Variants in KLHL13 observed in about 807,000 individuals in gnomAD.
The protein encoded by KLHL13 is kelch-like protein 13.
In KLHL13, 10 loss-of-function variants were observed where a neutral mutation model predicts 37.1. The ratio of observed to expected loss-of-function variants is 0.27; its 90% confidence interval spans 0.17 to 0.46. The LOEUF (loss-of-function observed/expected upper bound fraction) is 0.46. Ranked by LOEUF, KLHL13 falls within the 20% of genes least tolerant of loss-of-function variation. KLHL13 has a pLI of 1.00. For missense variants in KLHL13, 360 were observed against 509.3 expected (o/e 0.71, Z 2.82); for synonymous variants, 163 against 181.2 (o/e 0.90, Z 0.81).
intron 4 of KLHL13, among the ~76,000 whole-genome samples, chrX:117,915,601 T>TA (rs1375302482): frequency 8.9e-6 from 1 of 112,333 alleles, no homozygotes; most frequent in Admixed American, 9.4e-5. Flanking sequence ...ATTCTCTTGT[T>TA]AAAAAATGCT....
At chrX:117,919,468 A>G in intron 4 of KLHL13, 53 bp downstream of exon 5, 1 of 997,011 alleles carries the variant, frequency 1.0e-6, no homozygotes. Flanking sequence ...TGAGTCCTAA[A>G]CAGGCTACAT....
chrX:117,959,996 T>TC (rs1186775004), intron 1 of KLHL13, among the ~76,000 whole-genome samples: 1 of 111,041 alleles, frequency 9.0e-6, no homozygotes, highest in Non-Finnish European at 1.9e-5. Context: ...AGCTTGCCAC[T>TC]CCAATTCATC....
intron 2 of KLHL13, 47 bp downstream of exon 3, chrX:117,945,387 G>GT (rs1478965748): frequency 1.0e-4 from 118 of 1,163,551 alleles, no homozygotes; most frequent in Admixed American, 3.0e-4. Flanking sequence ...TCCATGGTGG[G>GT]TTTTTTAAAG....
chrX:118,096,290 AC>A (rs1305486701), intron 1 of KLHL13, among the ~76,000 whole-genome samples: 1 of 111,997 alleles, frequency 8.9e-6, no homozygotes, highest in African/African-American at 3.2e-5. Flanking sequence ...ATCAGAGAAT[AC>A]TATAAACACC....
intron 2 of KLHL13, among the ~76,000 whole-genome samples, chrX:117,933,715 G>A (rs1253859958): frequency 1.8e-5 from 2 of 110,956 alleles, no homozygotes; most frequent in Non-Finnish European, 3.8e-5. Flanking sequence ...ATGATAACTA[G>A]TATGTTAATA....
chrX:118,082,470 T>C (rs1241378274), intron 1 of KLHL13, among the ~76,000 whole-genome samples: 1 of 111,620 alleles, frequency 9.0e-6, no homozygotes, highest in East Asian at 2.8e-4. Context: ...TCTTTTTTGC[T>C]ATTGAGTTGA....
intron 1 of KLHL13, among the ~76,000 whole-genome samples, chrX:117,999,433 T>A (rs1380865634): frequency 2.7e-5 from 3 of 110,633 alleles, no homozygotes; most frequent in Non-Finnish European, 3.8e-5. Context: ...CTCAGCAAAC[T>A]ATCACAAGGA....
chrX:118,093,831 G>C (rs895904465), intron 1 of KLHL13, among the ~76,000 whole-genome samples: 2 of 109,661 alleles, frequency 1.8e-5, no homozygotes, highest in Admixed American at 9.9e-5. Flanking sequence ...CTAAAGTTTA[G>C]CAGATGTTCC....
At chrX:117,985,329 AAAGTT>A (rs1181207892) in intron 1 of KLHL13, 1 of 1,132,901 alleles carries the variant, frequency 8.8e-7, no homozygotes, top group Non-Finnish European at 1.2e-6. Context: ...CTGGAGTTTT[AAAGTT>A]AAGAGCTGTG....
At chrX:117,981,770 C>T (rs187541024) in intron 1 of KLHL13, among the ~76,000 whole-genome samples, 22 of 111,233 alleles carry the variant, frequency 2.0e-4, no homozygotes, top group East Asian at 2.0e-3. Flanking sequence ...TTGTAAAGCA[C>T]AGAACAACAT....
At chrX:118,080,486 C>G (rs1276629353) in intron 1 of KLHL13, among the ~76,000 whole-genome samples, 1 of 110,721 alleles carries the variant, frequency 9.0e-6, no homozygotes, top group Non-Finnish European at 1.9e-5. Context: ...AAAAGATATA[C>G]AAGCAGCCAA....
intron 1 of KLHL13, among the ~76,000 whole-genome samples, chrX:118,068,297 C>CCCT (rs1328552668): frequency 9.0e-6 from 1 of 111,482 alleles, no homozygotes; most frequent in Admixed American, 9.6e-5. Flanking sequence ...AAGCCCCTAG[C>CCCT]CCTCCTCCCT....
In KLHL13 at chrX:117,973,516, C is replaced by T. The variant is rs2053557770; in HGVS notation, c.-688G>A. ...AAAGCCCGTTTCAAAAATTCCAGTC[C>T]CTCTGCTTTCCAGCTAGGAGAAGGC... On this transcript the variant is annotated 5_prime_UTR_variant, in exon 1 of 7. Coordinates refer to ENST00000262820, the Ensembl canonical transcript of KLHL13. 17 of 902,869 alleles carry T rather than the reference C, an allele frequency of 1.9e-5. No individual in the cohort carries two copies. In the South Asian group the frequency reaches 3.7e-4, roughly 20 times the overall value. 74.4% of individuals were successfully genotyped at this position (902,869 alleles called of 1,213,427 possible). A position where few individuals can be genotyped will look rare whatever the true frequency, so the allele number is the denominator to read the frequency against.
At chrX:118,061,683 T>C (rs186010114) in intron 1 of KLHL13, among the ~76,000 whole-genome samples, 53 of 111,658 alleles carry the variant, frequency 4.7e-4, no homozygotes, top group African/African-American at 1.6e-3. Flanking sequence ...GCAAAAGCAA[T>C]GGAACCTCTG....
chrX:117,919,757 T>C, intron 3 of KLHL13, 40 bp from the exon 5 acceptor site: 1 of 1,026,742 alleles, frequency 9.7e-7, no homozygotes, highest in Admixed American at 2.5e-5. Context: ...AGGTGGATAA[T>C]TATGGTCAAA....
chrX:117,913,575 G>C (rs752972861), intron 4 of KLHL13, among the ~76,000 whole-genome samples: 156 of 112,302 alleles, frequency 1.4e-3, no homozygotes, highest in South Asian at 2.6e-3. Flanking sequence ...GCCGGGGGCG[G>C]TGGCTCACGC....
At chrX:118,094,271 A>C (rs748202266) in intron 1 of KLHL13, among the ~76,000 whole-genome samples, 1 of 111,620 alleles carries the variant, frequency 9.0e-6, no homozygotes, top group Non-Finnish European at 1.9e-5. Flanking sequence ...GATGCGATCA[A>C]ATGGAAGAAA....
intron 1 of KLHL13, among the ~76,000 whole-genome samples, chrX:118,035,003 A>G (rs983132578): frequency 1.1e-5 from 1 of 94,786 alleles, no homozygotes; most frequent in Non-Finnish European, 2.0e-5. Flanking sequence ...AGAAATGGAT[A>G]AATTCCTTGA....
intron 1 of KLHL13, among the ~76,000 whole-genome samples, chrX:117,961,117 TA>T (rs994654433): frequency 3.6e-5 from 4 of 112,009 alleles, no homozygotes; most frequent in Non-Finnish European, 7.5e-5. Flanking sequence ...GCCTATTTTA[TA>T]AAATGTAGAG....
Sources: gnomAD v4.1 joint callset for allele counts (sites outside exome capture counted in the v4.1 genomes callset) on GRCh38, gnomAD v4.1.1 for gene constraint, MANE v1.5 for transcripts, NCBI Gene and HGNC (gene_info 2026-07-23, HGNC 2026-07-21) for gene names.